Variants in EPHA5 observed in about 807,000 individuals in gnomAD.
EPHA5 encodes EPH receptor A5.
Under a neutral mutation model 105.0 loss-of-function variants are expected in EPHA5, and 60 were observed. The ratio of observed to expected loss-of-function variants is 0.57; its 90% CI spans 0.46 to 0.71. The LOEUF (loss-of-function observed/expected upper bound fraction) is 0.71. Among genes scored for constraint, EPHA5 ranks in the 30% least tolerant of loss-of-function variants. EPHA5 has a pLI of 0.00. For synonymous variants in EPHA5, 513 were observed against 449.1 expected (o/e 1.14, Z -1.80); for missense variants, 1,218 against 1,274.7 (o/e 0.96, Z 0.68).
chr4:65,323,273 C>T lies in EPHA5; in HGVS notation c.*841G>A. The stretch of plus-strand genomic sequence containing the variant: ...TGTGTTAAATTTTGTTTTACTGCTT[C>T]CCTATTTCTCCTATTCATATTACAT... On this transcript the variant is annotated 3_prime_UTR_variant, in exon 17 of 17. Transcript: ENST00000613740. The T allele has an allele frequency of 4.4e-6, 1 of 229,362 alleles. No homozygotes were observed. The highest frequency in any genetic ancestry group is 8.6e-6 in the Non-Finnish European group (1 of 115,628). The allele number at this position is 229,362 out of a possible 1,614,324, so 14.2% of individuals were successfully genotyped here.
chr4:65,465,475 G>GAAAGAAAGAAAGAAAGAAAT (rs1728550861), intron 5 of EPHA5, among the ~76,000 whole-genome samples: 1 of 73,514 alleles, frequency 1.4e-5, no homozygotes, highest in African/African-American at 5.8e-5. Flanking sequence ...GAAAAAGAAA[G>GAAAGAAAGAAAGAAAGAAAT]AAAGAAAGAA....
chr4:65,321,508 T>C lies in EPHA5; in HGVS notation c.*2606A>G, dbSNP rs1196922717. The C allele has an allele frequency of 4.4e-6, 1 of 229,096 alleles. No homozygotes were observed. The highest frequency in any genetic ancestry group is 8.7e-6 in the Non-Finnish European group (1 of 115,406). 14.2% of individuals were successfully genotyped at this position (229,096 alleles called of 1,614,324 possible). ...TCCTCTTTTTTAGGGAGAGTACTTG[T>C]TGTTTGACAGTCTCTTTATTCATTC... On this transcript the variant is annotated 3_prime_UTR_variant, in exon 17 of 17. Transcript: ENST00000613740.
At chr4:65,369,162 C>T (rs541249758) in intron 8 of EPHA5, among the ~76,000 whole-genome samples, 13 of 152,152 alleles carry the variant, frequency 8.5e-5, no homozygotes, top group South Asian at 6.2e-4. Flanking sequence ...TAAAAATATT[C>T]GTCACATTGA....
At chr4:65,378,651 T>C (rs2034537) in intron 8 of EPHA5, among the ~76,000 whole-genome samples, 76,092 of 151,704 alleles carry the variant, frequency 0.5, 20,504 homozygotes, top group East Asian at 0.78. Context: ...AGTTGAGGAG[T>C]TGGGGCAGAG....
intron 5 of EPHA5, among the ~76,000 whole-genome samples, chr4:65,455,717 G>C (rs910158064): frequency 6.6e-6 from 1 of 152,044 alleles, no homozygotes; most frequent in Non-Finnish European, 1.5e-5. Flanking sequence ...AAGAAAAAAA[G>C]CAGATGGTAC....
intron 3 of EPHA5, among the ~76,000 whole-genome samples, chr4:65,522,157 T>A (rs973786800): frequency 1.3e-5 from 2 of 151,884 alleles, no homozygotes; most frequent in Admixed American, 6.6e-5. Flanking sequence ...ATGGCCTGTA[T>A]GTATTTTGTA....
intron 3 of EPHA5, among the ~76,000 whole-genome samples, chr4:65,553,513 T>C (rs1162831807): frequency 2.0e-5 from 3 of 152,130 alleles, no homozygotes; most frequent in East Asian, 1.9e-4. Context: ...TCAAAAAGAA[T>C]ACTTGGTTGT....
In EPHA5 at chr4:65,546,781, G is replaced by A. The variant is rs558233534; in HGVS notation, c.911-51238C>T. Among the ~76,000 whole-genome samples, 19 of 152,110 alleles carry A rather than the reference G, an allele frequency of 1.2e-4. No homozygotes were observed. In the East Asian group the frequency reaches 3.7e-3, roughly 29 times the overall value. On this transcript the variant is annotated intron_variant, in intron 3 of 16. Transcript: ENST00000613740. ...AAGTCTAATTCTACAAAAAAGAAAT[G>A]TTGGCATTATTATTTTAAATAACCA...
At chr4:65,398,368 G>A (rs1721461992) in intron 8 of EPHA5, among the ~76,000 whole-genome samples, 1 of 152,154 alleles carries the variant, frequency 6.6e-6, no homozygotes, top group African/African-American at 2.4e-5. Context: ...AGGGAAATCT[G>A]AGAGTGGCTC....
At chr4:65,650,256 T>C (rs1409994086) in intron 1 of EPHA5, among the ~76,000 whole-genome samples, 4 of 151,984 alleles carry the variant, frequency 2.6e-5, no homozygotes, top group African/African-American at 9.7e-5. Context: ...GCCATATAAC[T>C]AGTTGCTCTG....
chr4:65,366,868 T>G (rs1717957692), intron 9 of EPHA5, among the ~76,000 whole-genome samples: 1 of 151,918 alleles, frequency 6.6e-6, no homozygotes, highest in African/African-American at 2.4e-5. Flanking sequence ...TAAAACATGA[T>G]TTTCTGCATT....
chr4:65,398,231 G>C (rs972237033), intron 8 of EPHA5, among the ~76,000 whole-genome samples: 1 of 152,182 alleles, frequency 6.6e-6, no homozygotes, highest in Admixed American at 6.5e-5. Flanking sequence ...GCAAAGTTGA[G>C]GATGACCCTG....
chr4:65,424,969 G>A (rs967963309), intron 5 of EPHA5, among the ~76,000 whole-genome samples: 5 of 151,876 alleles, frequency 3.3e-5, no homozygotes, highest in African/African-American at 7.3e-5. Flanking sequence ...TACCATTCAC[G>A]CATCCCTATA....
At chr4:65,466,581 G>A (rs1054015881) in intron 5 of EPHA5, among the ~76,000 whole-genome samples, 38 of 152,210 alleles carry the variant, frequency 2.5e-4, no homozygotes, top group African/African-American at 9.2e-4. Flanking sequence ...ATTCACCAGG[G>A]GACTGTTGCA....
At chr4:65,358,382 A>T (rs1002669670) in intron 11 of EPHA5, among the ~76,000 whole-genome samples, 10 of 151,578 alleles carry the variant, frequency 6.6e-5, no homozygotes, top group Non-Finnish European at 1.5e-4. Context: ...TAAATGATTA[A>T]AAGTAAGCCT....
chr4:65,525,059 T>G (rs1263724844), intron 3 of EPHA5, among the ~76,000 whole-genome samples: 1 of 151,792 alleles, frequency 6.6e-6, no homozygotes, highest in Non-Finnish European at 1.5e-5. Context: ...TCATGTATAG[T>G]CTTATGGTGT....
chr4:65,459,131 T>C (rs1289780906), intron 5 of EPHA5, among the ~76,000 whole-genome samples: 5 of 152,048 alleles, frequency 3.3e-5, no homozygotes, highest in African/African-American at 1.2e-4. Flanking sequence ...CTGGGGCCAA[T>C]TTGTGTTACA....
chr4:65,351,225 G>A (rs1360250840), intron 13 of EPHA5, among the ~76,000 whole-genome samples, 164 bp downstream of exon 13: 1 of 151,946 alleles, frequency 6.6e-6, no homozygotes, highest in Non-Finnish European at 1.5e-5. Context: ...ATACATAAAA[G>A]GAAGAATTTT....
At chr4:65,490,836 T>C in intron 4 of EPHA5, 124 bp from the exon 5 acceptor site, 2 of 1,049,610 alleles carry the variant, frequency 1.9e-6, no homozygotes, top group Non-Finnish European at 1.4e-6. Context: ...AAGTCATAAT[T>C]TGTAGTTTTG....
Sources: allele counts gnomAD v4.1 joint callset (sites outside exome capture counted in the v4.1 genomes callset), GRCh38; gene constraint gnomAD v4.1.1; transcripts MANE v1.5; gene names NCBI Gene and HGNC (gene_info 2026-07-23, HGNC 2026-07-21).